Variants in CAMK1D observed in about 807,000 individuals in gnomAD.
CAMK1D encodes calcium/calmodulin dependent protein kinase ID.
In CAMK1D, 9 loss-of-function variants were observed where a neutral mutation model predicts 47.7. The ratio of observed to expected loss-of-function variants is 0.19; its 90% CI spans 0.11 to 0.33. The LOEUF (loss-of-function observed/expected upper bound fraction) is 0.33, where lower values mean the gene tolerates loss of function less well. Among genes scored for constraint, CAMK1D ranks in the 10% least tolerant of loss-of-function variants. The pLI, the probability that CAMK1D is intolerant of heterozygous loss-of-function variation, is 1.00. For missense variants in CAMK1D, 291 were observed against 488.7 expected (o/e 0.60, Z 3.81); for synonymous variants, 184 against 184.9 (o/e 0.99, Z 0.04).
At chr10:12,711,951 T>C (rs1286544894) in intron 3 of CAMK1D, among the ~76,000 whole-genome samples, 2 of 152,242 alleles carry the variant, frequency 1.3e-5, no homozygotes, top group Non-Finnish European at 2.9e-5. Context: ...TCAGACGTAA[T>C]TTCAGATTTT....
intron 2 of CAMK1D, among the ~76,000 whole-genome samples, chr10:12,614,526 G>T (rs1308674055): frequency 1.3e-5 from 2 of 152,194 alleles, no homozygotes; most frequent in Non-Finnish European, 2.9e-5. Context: ...ACTTTATAGG[G>T]TTGAATACAC....
chr10:12,515,057 T>A (rs1314613330), intron 1 of CAMK1D, among the ~76,000 whole-genome samples: 1 of 152,054 alleles, frequency 6.6e-6, no homozygotes, highest in South Asian at 2.1e-4. Context: ...GAGACGGGGT[T>A]TCGCCATGTT....
chr10:12,593,538 C>T (rs777667194), intron 2 of CAMK1D, among the ~76,000 whole-genome samples: 13 of 152,082 alleles, frequency 8.5e-5, no homozygotes, highest in Non-Finnish European at 1.6e-4. Flanking sequence ...TGCGATGAGC[C>T]AAGATTGTGC....
intron 1 of CAMK1D, among the ~76,000 whole-genome samples, chr10:12,351,228 G>A (rs1837346741): frequency 6.6e-6 from 1 of 152,206 alleles, no homozygotes; most frequent in South Asian, 2.1e-4. Flanking sequence ...TCTCCCTGCT[G>A]TGGTTGTTGC....
At chr10:12,650,186 G>A (rs1486582700) in intron 2 of CAMK1D, among the ~76,000 whole-genome samples, 1 of 152,214 alleles carries the variant, frequency 6.6e-6, no homozygotes, top group African/African-American at 2.4e-5. Context: ...ATGCTTCTCT[G>A]CCCTTGCTGA....
intron 6 of CAMK1D, among the ~76,000 whole-genome samples, chr10:12,794,023 T>C (rs947216566): frequency 6.6e-6 from 1 of 152,196 alleles, no homozygotes; most frequent in African/African-American, 2.4e-5. Context: ...AGTGTTGTGA[T>C]CTGATCTGAT....
At chr10:12,809,677 A>G (rs1832519083) in intron 6 of CAMK1D, among the ~76,000 whole-genome samples, 1 of 152,238 alleles carries the variant, frequency 6.6e-6, no homozygotes, top group Non-Finnish European at 1.5e-5. Context: ...CAAAGTATCT[A>G]GAATAGTCAA....
intron 1 of CAMK1D, among the ~76,000 whole-genome samples, chr10:12,364,146 T>C (rs1410322789): frequency 2.0e-5 from 3 of 151,754 alleles, no homozygotes; most frequent in African/African-American, 7.3e-5. Context: ...GACAAGGACA[T>C]GAAGGGTCAG....
chr10:12,765,958 CTTTT>C (rs147498267), intron 4 of CAMK1D, among the ~76,000 whole-genome samples: 16 of 86,484 alleles, frequency 1.9e-4, no homozygotes, highest in African/African-American at 5.1e-4. Flanking sequence ...CCATCCTAAT[CTTTT>C]TTTTTTTTTT....
chr10:12,484,303 C>T (rs11257819), intron 1 of CAMK1D, among the ~76,000 whole-genome samples: 34,359 of 152,204 alleles, frequency 0.23, 4,898 homozygotes, highest in Non-Finnish European at 0.31. Context: ...CATCTCTCTT[C>T]GTGTTTCACC....
chr10:12,590,597 A>G (rs372913085), intron 2 of CAMK1D, among the ~76,000 whole-genome samples: 279 of 152,262 alleles, frequency 1.8e-3, no homozygotes, highest in African/African-American at 6.6e-3. Flanking sequence ...CTGTTCCATA[A>G]TTATTGTTGA....
chr10:12,519,345 C>CA (rs1835318599), intron 1 of CAMK1D, among the ~76,000 whole-genome samples: 1 of 39,090 alleles, frequency 2.6e-5, no homozygotes, highest in African/African-American at 1.1e-4. Flanking sequence ...ACCTCCCGGA[C>CA]GGGGGGCTGA....
chr10:12,430,735 G>GTGATGA (rs757039237), intron 1 of CAMK1D, among the ~76,000 whole-genome samples: 20 of 151,560 alleles, frequency 1.3e-4, no homozygotes, highest in African/African-American at 4.6e-4. Flanking sequence ...GTGCATACAT[G>GTGATGA]TGATGATGAT....
At chr10:12,614,990 T>G (rs1838738683) in intron 2 of CAMK1D, among the ~76,000 whole-genome samples, 1 of 152,202 alleles carries the variant, frequency 6.6e-6, no homozygotes, top group Non-Finnish European at 1.5e-5. Context: ...TGCCTGGACC[T>G]GGGGCTTCTC....
chr10:12,402,835 G>T (rs1839276094), intron 1 of CAMK1D, among the ~76,000 whole-genome samples: 2 of 151,910 alleles, frequency 1.3e-5, no homozygotes, highest in Admixed American at 1.3e-4. Flanking sequence ...ATTGGTGATT[G>T]GTGCCTTCTA....
chr10:12,407,930 T>C (rs1292907900), intron 1 of CAMK1D, among the ~76,000 whole-genome samples: 1 of 146,416 alleles, frequency 6.8e-6, no homozygotes, highest in African/African-American at 2.5e-5. Context: ...CAATCTTGGC[T>C]CACTGCAGCC....
intron 1 of CAMK1D, among the ~76,000 whole-genome samples, chr10:12,374,736 G>A (rs1300537845): frequency 6.6e-6 from 1 of 152,032 alleles, no homozygotes; most frequent in Non-Finnish European, 1.5e-5. Flanking sequence ...AAGGTCAGGA[G>A]TTTGAGACCA....
intron 6 of CAMK1D, among the ~76,000 whole-genome samples, chr10:12,797,173 T>G (rs1460250520): frequency 6.7e-6 from 1 of 149,670 alleles, no homozygotes; most frequent in Non-Finnish European, 1.5e-5. Context: ...TTCTCTTGGC[T>G]GGGTAGCACA....
At chr10:12,422,610 T>C (rs545769594) in intron 1 of CAMK1D, among the ~76,000 whole-genome samples, 1 of 152,298 alleles carries the variant, frequency 6.6e-6, no homozygotes, top group East Asian at 1.9e-4. Context: ...AAGCAGGATT[T>C]GGGCTTATGG....
Sources: allele counts gnomAD v4.1 joint callset (sites outside exome capture counted in the v4.1 genomes callset), GRCh38; gene constraint gnomAD v4.1.1; transcripts MANE v1.5; gene names NCBI Gene and HGNC (gene_info 2026-07-23, HGNC 2026-07-21).